LMNA: variants seen among roughly 807,000 people sequenced by gnomAD.
LMNA encodes lamin A/C, also known as lamin.
LMNA carries 20 observed loss-of-function variants against 70.4 expected under a neutral mutation model. That is an observed-to-expected ratio of 0.28 (90% CI 0.20 to 0.41). The LOEUF (loss-of-function observed/expected upper bound fraction) is 0.41. Among genes scored for constraint, LMNA ranks in the 10% least tolerant of loss-of-function variants. The pLI is 1.00. For missense variants in LMNA, 652 were observed against 917.2 expected (o/e 0.71, Z 3.73); for synonymous variants, 339 against 372.8 (o/e 0.91, Z 1.04).
intron 1 of LMNA, among the ~76,000 whole-genome samples, chr1:156,129,607 G>A (rs924656376): frequency 3.3e-5 from 5 of 152,120 alleles, no homozygotes; most frequent in Non-Finnish European, 5.9e-5. Context: ...CTTTCCCTCC[G>A]CTCCCTGGGT....
intron 3 of LMNA, among the ~76,000 whole-genome samples, chr1:156,104,928 G>T (rs1166773766): frequency 6.6e-6 from 1 of 152,172 alleles, no homozygotes; most frequent in East Asian, 1.9e-4. Flanking sequence ...GTAGGACTGA[G>T]GGGACCATGG....
chr1:156,111,621 C>CT (rs1164535468), upstream of LMNA, among the ~76,000 whole-genome samples: 1 of 152,214 alleles, frequency 6.6e-6, no homozygotes, highest in African/African-American at 2.4e-5. Context: ...GCTTCTCCCT[C>CT]TGTCTTTCCC....
intron 3 of LMNA, among the ~76,000 whole-genome samples, chr1:156,095,071 G>A (rs548878373): frequency 1.1e-4 from 17 of 152,220 alleles, no homozygotes; most frequent in East Asian, 3.9e-4. Context: ...ACAGGCGCAC[G>A]CCACCATGCC....
Position 156,135,865 on chromosome 1 carries a change from C to T in LMNA, c.937-36C>T. ...TCCCTCCTTCCCCATACTTAGGGCC[C>T]TTGGGAGCTCACCAAACCCTCCCAC... is the stretch of plus-strand genomic sequence containing the variant. On this transcript the variant is annotated intron_variant, in intron 5 of 11. Coordinates refer to ENST00000368300, the MANE Select transcript of LMNA (RefSeq NM_170707.4). This position sits in a 1 kb window ranked among gnomAD's most constrained non-coding sequence, Gnocchi z 4.8. 3 of 1,587,566 alleles carry T rather than the reference C, an allele frequency of 1.9e-6. No homozygotes were observed. The highest frequency in any genetic ancestry group is 2.2e-5 in the East Asian group (1 of 44,644).
intron 2 of LMNA, among the ~76,000 whole-genome samples, chr1:156,132,394 C>T (rs1444030288): frequency 6.6e-6 from 1 of 151,890 alleles, no homozygotes; most frequent in Non-Finnish European, 1.5e-5. Flanking sequence ...CGCTTGAACC[C>T]GGGAGGTGGA....
chr1:156,091,825 A>G (rs1648713714), intron 3 of LMNA, among the ~76,000 whole-genome samples: 1 of 152,098 alleles, frequency 6.6e-6, no homozygotes, highest in Non-Finnish European at 1.5e-5. Flanking sequence ...ATAAGCCAGG[A>G]TATGGGGGCA....
In LMNA at chr1:156,138,047, G is replaced by A. The variant is rs533668264; in HGVS notation, c.1698+304G>A. 1.2e-5 allele frequency: 7 copies of A among 569,372 alleles called. No individual in the cohort carries two copies. Among genetic ancestry groups the A allele is most frequent in the East Asian group, 3.1e-5 (1 of 32,220 alleles). The allele number at this position is 569,372 out of a possible 1,614,324, so 35.3% of individuals were successfully genotyped here. On this transcript the variant is annotated intron_variant, in intron 10 of 11. Coordinates refer to ENST00000368300, the MANE Select transcript of LMNA (RefSeq NM_170707.4). This position sits in a 1 kb window ranked among gnomAD's most constrained non-coding sequence, Gnocchi z 5.5. ...CTGGGAAAGGGAGGGGAGGACAGAC[G>A]TGGGGCATGCCCGCCCTGCCTCTCT...
intron 3 of LMNA, among the ~76,000 whole-genome samples, chr1:156,102,560 G>A (rs1231858298): frequency 1.3e-5 from 2 of 151,976 alleles, no homozygotes; most frequent in African/African-American, 4.8e-5. Flanking sequence ...TCCCCCACCC[G>A]AGGCGTTCCA....
chr1:156,118,237 C>G (rs1649970742), intron 1 of LMNA, among the ~76,000 whole-genome samples: 1 of 152,182 alleles, frequency 6.6e-6, no homozygotes. Flanking sequence ...GTCCACTCAT[C>G]TACCAAAGCC....
Position 156,115,128 on chromosome 1 carries a change from C to A in LMNA, c.210C>A (p.Val70=), listed in dbSNP as rs756880374. The A allele has an allele frequency of 1.9e-6, 3 of 1,607,130 alleles. No homozygotes were observed. The highest frequency in any genetic ancestry group is 8.5e-7 in the Non-Finnish European group (1 of 1,176,966). The part of the protein sequence containing the change: ...RLRITESEEV[V]SREVSGIKAA... Reference sequence around the variant, plus strand: ...GCATCACCGAGTCTGAAGAGGTGGTCAGCCGCGAGGTGTCCGGCATCAAGG... The same window carrying A: ...GCATCACCGAGTCTGAAGAGGTGGTAAGCCGCGAGGTGTCCGGCATCAAGG... The change falls in exon 1 of 12, where the codon GTC becomes GTA. Residue 70 remains valine (V), a synonymous_variant. Transcript: ENST00000368300. The surrounding 1 kb of genome is among the most constrained non-coding windows in gnomAD (Gnocchi z 5.8).
chr1:156,138,813 G>C lies in LMNA; in HGVS notation c.1968+56G>C. On this transcript the variant is annotated intron_variant, in intron 11 of 11. Coordinates refer to ENST00000368300, the MANE Select transcript of LMNA (RefSeq NM_170707.4). The surrounding 1 kb of genome is among the most constrained non-coding windows in gnomAD (Gnocchi z 5.5). ...TGCAGGCGGGTCCCTGGTCATCGAG[G>C]GGTAGGACGAGGTGGCCTTGCAGGG... 1 of 1,609,484 alleles carries C rather than the reference G, an allele frequency of 6.2e-7. No homozygotes were observed. Among genetic ancestry groups the C allele is most frequent in the Non-Finnish European group, 8.5e-7 (1 of 1,177,556 alleles).
upstream of LMNA, among the ~76,000 whole-genome samples, chr1:156,114,424 CCTT>C (rs1649659822): frequency 3.9e-5 from 6 of 152,318 alleles, no homozygotes; most frequent in South Asian, 1.2e-3. Context: ...CACTCTCCCT[CCTT>C]GGCTCTGCCC....
chr1:156,121,683 C>T (rs1164270888), intron 1 of LMNA, among the ~76,000 whole-genome samples: 2 of 151,816 alleles, frequency 1.3e-5, no homozygotes, highest in Non-Finnish European at 2.9e-5. Context: ...CTTCCCTCCT[C>T]CCCAGCCCCT....
chr1:156,121,163 C>A (rs1650161289), intron 1 of LMNA, among the ~76,000 whole-genome samples: 1 of 151,448 alleles, frequency 6.6e-6, no homozygotes, highest in Non-Finnish European at 1.5e-5. Context: ...GATCCTCCCA[C>A]CTCAGCCTCC....
Position 156,135,483 on chromosome 1 carries a change from CT to C in LMNA, c.936+172del. On this transcript the variant is annotated intron_variant, in intron 5 of 11. Coordinates refer to ENST00000368300, the MANE Select transcript of LMNA (RefSeq NM_170707.4). The surrounding 1 kb of genome is among the most constrained non-coding windows in gnomAD (Gnocchi z 4.8). ...GTCGCAGGATGTGGAGTCAGATGGCCTGTGTGCTGTTTCTGTACACTCTTAC... is the reference window on the plus strand; with the variant it reads ...GTCGCAGGATGTGGAGTCAGATGGCCGTGTGCTGTTTCTGTACACTCTTAC... 1.2e-6 allele frequency: 1 copy of C among 833,124 alleles called. No homozygotes were observed. The allele number at this position is 833,124 out of a possible 1,614,324, so 51.6% of individuals were successfully genotyped here.
intron 1 of LMNA, among the ~76,000 whole-genome samples, chr1:156,116,566 T>G (rs1163442864): frequency 1.3e-5 from 2 of 152,190 alleles, no homozygotes; most frequent in Non-Finnish European, 2.9e-5. Context: ...TCCAAACTTC[T>G]GCTCTTCCTA....
At position 156,139,588 on chromosome 1, in the gene LMNA, GGAGA is replaced by G. The variant is rs748490381; in HGVS notation, c.*496_*499del. On this transcript the variant is annotated 3_prime_UTR_variant, in exon 12 of 12. Transcript: ENST00000368300. Reference sequence around the variant, plus strand: ...TCACTGCCAGGCCAGCCTCCGAGAGGGAGAGAGAGAGAGAGAGGACAGCTTGAGC... The same window carrying G: ...TCACTGCCAGGCCAGCCTCCGAGAGGGAGAGAGAGAGAGGACAGCTTGAGC... 297 of 1,340,918 alleles carry G rather than the reference GGAGA, an allele frequency of 2.2e-4. No individual in the cohort carries two copies. Among genetic ancestry groups the G allele is most frequent in the East Asian group, 5.0e-4 (17 of 33,740 alleles). 83.1% of individuals were successfully genotyped at this position (1,340,918 alleles called of 1,614,324 possible).
chr1:156,139,779 G>A lies in LMNA; in HGVS notation c.*673G>A. ...TCTGTATTTTATTTAGACAAGAGAT[G>A]GGAATGAGGTGGGAGGTGGAAGAAG... is the stretch of plus-strand genomic sequence containing the variant. On this transcript the variant is annotated 3_prime_UTR_variant, in exon 12 of 12. Coordinates refer to ENST00000368300, the MANE Select transcript of LMNA (RefSeq NM_170707.4). 1 of 1,533,150 alleles carries A rather than the reference G, an allele frequency of 6.5e-7. No homozygotes were observed. Among genetic ancestry groups the A allele is most frequent in the Non-Finnish European group, 8.7e-7 (1 of 1,145,642 alleles). 95.0% of individuals were successfully genotyped at this position (1,533,150 alleles called of 1,614,324 possible).
intron 3 of LMNA, among the ~76,000 whole-genome samples, chr1:156,106,338 C>T (rs1260221613): frequency 6.6e-6 from 1 of 152,240 alleles, no homozygotes; most frequent in Non-Finnish European, 1.5e-5. Flanking sequence ...TCTCCTCCAG[C>T]TCCAGTCCTG....
Sources: gnomAD v4.1 joint callset for allele counts (sites outside exome capture counted in the v4.1 genomes callset) on GRCh38, gnomAD v4.1.1 for gene constraint, Gnocchi (gnomAD v3.1) non-coding constraint, MANE v1.5 for transcripts, NCBI Gene and HGNC (gene_info 2026-07-23, HGNC 2026-07-21) for gene names.